DLGAP2: variants seen among roughly 807,000 people sequenced by gnomAD.
DLGAP2 encodes DLG associated protein 2, also known as disks large-associated protein 2.
Under a neutral mutation model 100.3 loss-of-function variants are expected in DLGAP2, and 26 were observed. That is an observed-to-expected ratio of 0.26 (90% confidence interval 0.19 to 0.36). The LOEUF is 0.36. DLGAP2 is among the 10% of genes least tolerant of loss of function. The pLI, the probability that DLGAP2 is intolerant of heterozygous loss-of-function variation, is 1.00. For synonymous variants in DLGAP2, 886 were observed against 630.1 expected, an observed-to-expected ratio of 1.41 and a Z score of -6.08; for missense variants, 1,858 against 1,453.2, an observed-to-expected ratio of 1.28 and a Z score of -4.53.
intron 3 of DLGAP2, among the ~76,000 whole-genome samples, chr8:1,430,791 T>G (rs1171176973): frequency 6.6e-6 from 1 of 152,246 alleles, no homozygotes; most frequent in East Asian, 1.9e-4. Flanking sequence ...TGAAACATCC[T>G]TTGTTAGTCT....
At chr8:1,304,725 G>T (rs552170268) in intron 3 of DLGAP2, among the ~76,000 whole-genome samples, 4 of 152,212 alleles carry the variant, frequency 2.6e-5, no homozygotes, top group Admixed American at 6.5e-5. Context: ...AAGCAAGCAG[G>T]GTAATTTATC....
At chr8:1,382,231 C>T (rs1254828561) in intron 3 of DLGAP2, among the ~76,000 whole-genome samples, 1 of 152,184 alleles carries the variant, frequency 6.6e-6, no homozygotes, top group African/African-American at 2.4e-5. Flanking sequence ...TTATGAAAAT[C>T]ATAAAATACA....
chr8:892,702 G>T (rs187955532), intron 1 of DLGAP2, among the ~76,000 whole-genome samples: 2 of 152,178 alleles, frequency 1.3e-5, no homozygotes, highest in Admixed American at 6.5e-5. Context: ...ACAGAGAGGC[G>T]GGGGAGACCG....
intron 4 of DLGAP2, among the ~76,000 whole-genome samples, chr8:1,540,546 A>G (rs530689579): frequency 6.7e-4 from 102 of 152,294 alleles, no homozygotes; most frequent in Non-Finnish European, 1.1e-3. Context: ...AAAAAAAAAC[A>G]CCCACCTAGT....
intron 3 of DLGAP2, among the ~76,000 whole-genome samples, chr8:1,305,754 T>TA (rs1302359020): frequency 6.6e-6 from 1 of 152,264 alleles, no homozygotes; most frequent in Admixed American, 6.5e-5. Context: ...CTGGGAGAGT[T>TA]CCTTCAGTAA....
chr8:1,593,659 G>T (rs2130680200), intron 6 of DLGAP2, among the ~76,000 whole-genome samples: 1 of 151,750 alleles, frequency 6.6e-6, no homozygotes, highest in East Asian at 2.0e-4. Flanking sequence ...GGAAGGATCA[G>T]TTAGCACATC....
chr8:770,221 G>C (rs1031122458), intron 1 of DLGAP2, among the ~76,000 whole-genome samples: 4 of 152,154 alleles, frequency 2.6e-5, no homozygotes, highest in African/African-American at 9.7e-5. Context: ...GTGAGGGGCT[G>C]CGGAATGCTC....
intron 1 of DLGAP2, among the ~76,000 whole-genome samples, chr8:841,995 C>A (rs1311002928): frequency 6.6e-6 from 1 of 152,160 alleles, no homozygotes; most frequent in Non-Finnish European, 1.5e-5. Flanking sequence ...GACACTGCCA[C>A]CAGTGTGACT....
intron 3 of DLGAP2, among the ~76,000 whole-genome samples, chr8:1,412,551 C>G (rs780405945): frequency 6.6e-6 from 1 of 152,180 alleles, no homozygotes; most frequent in Non-Finnish European, 1.5e-5. Context: ...CCTTGGTAAG[C>G]CCCAGCCATT....
In DLGAP2 at chr8:907,681, A is replaced by G. The variant is rs887015619; in HGVS notation, c.19-231A>G. Among the ~76,000 whole-genome samples, 7 of 152,212 alleles carry G rather than the reference A, an allele frequency of 4.6e-5. 1 individual carries two copies. Among genetic ancestry groups the G allele is most frequent in the South Asian group, 4.1e-4 (2 of 4,826 alleles). The stretch of plus-strand genomic sequence containing the variant: ...ATCCATTAAACCCGGCTGCATTCCC[A>G]TTCCAGAAACGGCATAGATGATAAT... On this transcript the variant is annotated intron_variant, in intron 1 of 14. Transcript: ENST00000637795.
At position 976,521 on chromosome 8, in the gene DLGAP2, C is replaced by T. The variant is rs868480863; in HGVS notation, c.73+68555C>T. On this transcript the variant is annotated intron_variant, in intron 2 of 14. Coordinates refer to ENST00000637795, the MANE Select transcript of DLGAP2 (RefSeq NM_001346810.2). ...CAGCTACTTGGGAGGCTGAGGCAGG[C>T]GAATGGCGTGAACCCGGGAGGTGGA... Among the ~76,000 whole-genome samples the T allele has an allele frequency of 2.6e-5, 4 of 152,028 alleles. No homozygotes were observed. In the South Asian group the frequency reaches 8.3e-4, roughly 32 times the overall value.
chr8:1,104,287 C>T (rs945845894), intron 2 of DLGAP2, among the ~76,000 whole-genome samples: 13 of 152,084 alleles, frequency 8.5e-5, no homozygotes, highest in Non-Finnish European at 1.9e-4. Context: ...GTAAAAAGAG[C>T]TCAGGAGTGG....
At chr8:863,572 C>T (rs1563069415) in intron 1 of DLGAP2, among the ~76,000 whole-genome samples, 1 of 152,192 alleles carries the variant, frequency 6.6e-6, no homozygotes, top group Non-Finnish European at 1.5e-5. Flanking sequence ...TGGGTTTTCT[C>T]TTCACTCTGT....
chr8:1,700,307 T>C (rs1301598731), intron 14 of DLGAP2, among the ~76,000 whole-genome samples: 2 of 152,216 alleles, frequency 1.3e-5, no homozygotes, highest in Non-Finnish European at 1.5e-5. Context: ...TGACGCCTTC[T>C]GCCGTGTGCC....
intron 2 of DLGAP2, among the ~76,000 whole-genome samples, chr8:1,194,984 C>G (rs940009152): frequency 6.6e-6 from 1 of 152,250 alleles, no homozygotes; most frequent in African/African-American, 2.4e-5. Context: ...CCCCTCCGCT[C>G]TCCCGGCCTT....
At chr8:816,757 T>A (rs1796487838) in intron 1 of DLGAP2, among the ~76,000 whole-genome samples, 1 of 152,202 alleles carries the variant, frequency 6.6e-6, no homozygotes, top group Admixed American at 6.5e-5. Flanking sequence ...TGTATTTGGG[T>A]GTCTAGATCT....
In DLGAP2 at chr8:1,688,768, G is replaced by T. The variant is rs919059559; in HGVS notation, c.2705-2767G>T. On this transcript the variant is annotated intron_variant, in intron 12 of 14. Transcript: ENST00000637795. Reference sequence around the variant, plus strand: ...AGAAAATCACTTTGAAGAACACATGGTACAGATTGCCAGACCTTCATGTTC... The same window carrying T: ...AGAAAATCACTTTGAAGAACACATGTTACAGATTGCCAGACCTTCATGTTC... Among the ~76,000 whole-genome samples the T allele has an allele frequency of 3.5e-4, 53 of 152,154 alleles. 1 individual carries two copies. Among genetic ancestry groups the T allele is most frequent in the Admixed American group, 2.4e-3 (36 of 15,278 alleles).
chr8:1,537,082 GTGGTA>G (rs1801178186), intron 4 of DLGAP2, among the ~76,000 whole-genome samples: 2 of 151,930 alleles, frequency 1.3e-5, no homozygotes, highest in South Asian at 2.1e-4. Flanking sequence ...TATGTGGTAT[GTGGTA>G]TGTGGTGTGT....
At chr8:1,193,289 A>G (rs1294729465) in intron 2 of DLGAP2, among the ~76,000 whole-genome samples, 3 of 152,208 alleles carry the variant, frequency 2.0e-5, no homozygotes, top group Non-Finnish European at 4.4e-5. Flanking sequence ...TGTCCCACCA[A>G]CAGTGTAAAA....
Sources: allele counts gnomAD v4.1 joint callset (sites outside exome capture counted in the v4.1 genomes callset), GRCh38; gene constraint gnomAD v4.1.1; transcripts MANE v1.5; gene names NCBI Gene and HGNC (gene_info 2026-07-23, HGNC 2026-07-21).